Variants in ABCG2 observed in about 807,000 individuals in gnomAD.
The protein encoded by ABCG2 is broad substrate specificity ATP-binding cassette transporter ABCG2.
Under a neutral mutation model 73.5 loss-of-function variants are expected in ABCG2, and 80 were observed. The observed-to-expected ratio is 1.09, with a 90% CI of 0.91 to 1.31. ABCG2 has a LOEUF of 1.31. Ranked by LOEUF, ABCG2 falls within the 50% of genes most tolerant of loss-of-function variation. The pLI is 0.00. For missense variants in ABCG2, 796 were observed against 786.2 expected, an observed-to-expected ratio of 1.01 and a Z score of -0.15; for synonymous variants, 269 against 282.4, an observed-to-expected ratio of 0.95 and a Z score of 0.48.
chr4:88,159,250 C>CCGAA (rs1560727472), upstream of ABCG2: 1 of 455,516 alleles, frequency 2.2e-6, no homozygotes, highest in Non-Finnish European at 4.4e-6. Flanking sequence ...GGCCGGAGCG[C>CCGAA]CGAAGCACCG....
intron 9 of ABCG2, among the ~76,000 whole-genome samples, chr4:88,112,235 T>G (rs556143575): frequency 6.6e-6 from 1 of 152,362 alleles, no homozygotes; most frequent in Non-Finnish European, 1.5e-5. Context: ...CCTTGTTCTG[T>G]GAACTCAAAT....
rs762530602 is a variant in ABCG2 at position 88,101,231 on chromosome 4, T to A, written c.1366A>T (p.Ile456Leu). Residue 456 changes from isoleucine to leucine, a missense_variant and splice_region_variant, in exon 11 of 16, where the codon ATA (isoleucine) becomes TTA (leucine). Transcript: ENST00000237612. The stretch of plus-strand genomic sequence containing the variant: ...TTCCCAGAACAAAGACCTACTCACA[T>A]GAAGAGCTTCTTCTCTACCACAAAG... ...ELFVVEKKLF[I>L]HEYISGYYRV... is the part of the protein sequence containing the mutation. 3 of 1,613,840 alleles carry A rather than the reference T, an allele frequency of 1.9e-6. No homozygotes were observed. The highest frequency in any genetic ancestry group is 2.7e-5 in the African/African-American group (2 of 74,870).
intron 1 of ABCG2, among the ~76,000 whole-genome samples, chr4:88,196,231 G>A (rs894662791): frequency 1.3e-5 from 2 of 152,100 alleles, no homozygotes; most frequent in Non-Finnish European, 2.9e-5. Context: ...TAACTTGGAG[G>A]GTGACTTTGA....
chr4:88,187,883 A>G (rs535335768), intron 1 of ABCG2, among the ~76,000 whole-genome samples: 1 of 152,280 alleles, frequency 6.6e-6, no homozygotes, highest in South Asian at 2.1e-4. Flanking sequence ...AACACACACA[A>G]ATATCTTTTG....
chr4:88,114,937 A>G lies in ABCG2; in HGVS notation c.943+20T>C. The G allele has an allele frequency of 6.4e-7, 1 of 1,555,240 alleles. No homozygotes were observed. The highest frequency in any genetic ancestry group is 2.3e-5 in the East Asian group (1 of 44,270). On this transcript the variant is annotated intron_variant, in intron 8 of 15. Transcript: ENST00000237612. ...CAATTCAATTAGGCAAAAATCTGGGACTGTAACAGATTCATATACCTTTAA... is the reference window on the plus strand; with the variant it reads ...CAATTCAATTAGGCAAAAATCTGGGGCTGTAACAGATTCATATACCTTTAA...
intron 2 of ABCG2, among the ~76,000 whole-genome samples, chr4:88,136,311 A>G (rs1055579128): frequency 6.6e-6 from 1 of 152,188 alleles, no homozygotes; most frequent in Non-Finnish European, 1.5e-5. Context: ...CCTAGAAACA[A>G]TGACATCCCA....
intron 1 of ABCG2, among the ~76,000 whole-genome samples, chr4:88,147,522 T>C (rs1396956647): frequency 6.6e-6 from 1 of 152,210 alleles, no homozygotes; most frequent in Admixed American, 6.5e-5. Flanking sequence ...AAAAGTCATA[T>C]TTGGATTTGA....
intron 10 of ABCG2, among the ~76,000 whole-genome samples, chr4:88,106,242 A>G (rs1439558417): frequency 6.6e-6 from 1 of 152,054 alleles, no homozygotes; most frequent in Non-Finnish European, 1.5e-5. Flanking sequence ...GGCTCAAGCA[A>G]TCCTCCCACC....
chr4:88,209,087 C>T (rs566364554), intron 1 of ABCG2, among the ~76,000 whole-genome samples: 18 of 152,098 alleles, frequency 1.2e-4, no homozygotes, highest in East Asian at 3.9e-4. Flanking sequence ...CCGAGGCAGT[C>T]GGATCACCTG....
At chr4:88,135,430 A>T in intron 2 of ABCG2, among the ~76,000 whole-genome samples, 1 of 152,154 alleles carries the variant, frequency 6.6e-6, no homozygotes, top group East Asian at 1.9e-4. Context: ...TGTCACCTCT[A>T]TTACATTTTA....
intron 1 of ABCG2, among the ~76,000 whole-genome samples, chr4:88,154,543 C>G (rs1726785801): frequency 6.6e-6 from 1 of 152,162 alleles, no homozygotes; most frequent in Non-Finnish European, 1.5e-5. Context: ...CCTGCCTTTG[C>G]TGGTGAGTGG....
intron 2 of ABCG2, among the ~76,000 whole-genome samples, chr4:88,137,155 G>C (rs1725315752): frequency 6.6e-6 from 1 of 152,156 alleles, no homozygotes; most frequent in South Asian, 2.1e-4. Flanking sequence ...ATAAGAGTAT[G>C]AAGGTAAAAC....
At position 88,117,085 on chromosome 4, in the gene ABCG2, T is replaced by C. The variant is rs911664329; in HGVS notation, c.841+1024A>G. On this transcript the variant is annotated intron_variant, in intron 7 of 15. Transcript: ENST00000237612. ...GCTCACACCTGTAATCCCAACACTT[T>C]GGGAGGCCACAGCAGATTGCTTTAG... is the stretch of plus-strand genomic sequence containing the variant. Among the ~76,000 whole-genome samples, 14 of 152,074 alleles carry C rather than the reference T, an allele frequency of 9.2e-5. 1 individual carries two copies. Among genetic ancestry groups the C allele is most frequent in the Non-Finnish European group, 1.9e-4 (13 of 68,020 alleles).
chr4:88,124,505 T>G (rs546108739), intron 5 of ABCG2, among the ~76,000 whole-genome samples: 1 of 152,232 alleles, frequency 6.6e-6, no homozygotes, highest in East Asian at 1.9e-4. Context: ...AAGCAGGGGT[T>G]GCAATCCCAG....
At chr4:88,135,587 C>T (rs1019668377) in intron 2 of ABCG2, among the ~76,000 whole-genome samples, 1 of 127,390 alleles carries the variant, frequency 7.8e-6, no homozygotes, top group Non-Finnish European at 1.6e-5. Flanking sequence ...AGGGTTGGGG[C>T]TCCCATTGGG....
At chr4:88,194,400 A>C (rs1332405036) in intron 1 of ABCG2, among the ~76,000 whole-genome samples, 2 of 151,856 alleles carry the variant, frequency 1.3e-5, no homozygotes, top group Non-Finnish European at 1.5e-5. Context: ...AATACAAAAA[A>C]TTAGCAGGGC....
chr4:88,095,752 AG>A, intron 13 of ABCG2, 143 bp from the exon 14 acceptor site: 1 of 655,962 alleles, frequency 1.5e-6, no homozygotes, highest in Non-Finnish European at 2.7e-6. Flanking sequence ...CACTTACTCA[AG>A]ACACTCACTA....
intron 7 of ABCG2, among the ~76,000 whole-genome samples, chr4:88,116,277 C>CG (rs1723571825): frequency 6.6e-6 from 1 of 152,136 alleles, no homozygotes; most frequent in South Asian, 2.1e-4. Context: ...AACAAATCCC[C>CG]TGAGCAGTAT....
chr4:88,137,217 A>G (rs1725318061), intron 2 of ABCG2, among the ~76,000 whole-genome samples: 1 of 152,140 alleles, frequency 6.6e-6, no homozygotes, highest in South Asian at 2.1e-4. Flanking sequence ...TATACTGGTG[A>G]TAGATGAAGG....
Sources: allele counts gnomAD v4.1 joint callset (sites outside exome capture counted in the v4.1 genomes callset), GRCh38; gene constraint gnomAD v4.1.1; transcripts MANE v1.5; gene names NCBI Gene and HGNC (gene_info 2026-07-23, HGNC 2026-07-21).